The following PRR16 variants were observed in gnomAD, a reference collection of about 807,000 sequenced individuals.
PRR16 encodes the protein proline rich 16.
A neutral mutation model predicts 18.2 loss-of-function variants in PRR16; 6 were observed. The observed-to-expected ratio is 0.33, with a 90% CI of 0.18 to 0.65. The LOEUF (loss-of-function observed/expected upper bound fraction) is 0.65, where lower values mean the gene tolerates loss of function less well. Ranked by LOEUF, PRR16 falls within the 30% of genes least tolerant of loss-of-function variation. The pLI is 0.74. For synonymous variants in PRR16, 151 were observed against 147.8 expected, an observed-to-expected ratio of 1.02 and a Z score of -0.16; for missense variants, 412 against 376.6, an observed-to-expected ratio of 1.09 and a Z score of -0.78.
At chr5:120,760,500 A>G in the PRR16 span, among the ~76,000 whole-genome samples, 1 of 152,140 alleles carries the variant, frequency 6.6e-6, no homozygotes, top group Admixed American at 6.6e-5. Flanking sequence ...ATCTAAAACA[A>G]GAAACCCCTT....
chr5:120,790,497 A>C, the PRR16 span: 1 of 142,220 alleles, frequency 7.0e-6, no homozygotes, highest in Admixed American at 7.0e-5. Flanking sequence ...ACATTGCAGC[A>C]ATGCACAGTC....
At chr5:120,789,698 CT>C in the PRR16 span, among the ~76,000 whole-genome samples, 1 of 151,900 alleles carries the variant, frequency 6.6e-6, no homozygotes, top group Non-Finnish European at 1.5e-5. Flanking sequence ...AAGGGAAGAT[CT>C]TTTAATTTAG....
chr5:120,752,669 T>C, the PRR16 span, among the ~76,000 whole-genome samples: 3 of 151,954 alleles, frequency 2.0e-5, no homozygotes, highest in Non-Finnish European at 4.4e-5. Context: ...GTCATAAATA[T>C]ATTATTTCTT....
At chr5:120,652,499 T>C (rs1027857319) in intron 1 of PRR16, among the ~76,000 whole-genome samples, 1 of 151,038 alleles carries the variant, frequency 6.6e-6, no homozygotes, top group Non-Finnish European at 1.5e-5. Flanking sequence ...ATAAATCATA[T>C]TTTTAGTAAG....
intron 1 of PRR16, among the ~76,000 whole-genome samples, chr5:120,557,721 C>A (rs1418108828): frequency 6.6e-6 from 1 of 151,848 alleles, no homozygotes; most frequent in Admixed American, 6.6e-5. Flanking sequence ...TATATCATTA[C>A]ATTTCAATCC....
the PRR16 span, among the ~76,000 whole-genome samples, chr5:120,781,986 C>G: frequency 1.6e-5 from 2 of 126,794 alleles, no homozygotes; most frequent in African/African-American, 6.7e-5. Context: ...TTGTAATTTA[C>G]TAATAAAAAC....
chr5:120,465,459 G>T (rs913494057), intron 1 of PRR16, among the ~76,000 whole-genome samples: 1 of 152,200 alleles, frequency 6.6e-6, no homozygotes, highest in Non-Finnish European at 1.5e-5. Flanking sequence ...GTTCTTCCCC[G>T]CTTTTCCTAT....
the PRR16 span, among the ~76,000 whole-genome samples, chr5:120,792,699 C>T: frequency 6.6e-6 from 1 of 152,000 alleles, no homozygotes; most frequent in Admixed American, 6.6e-5. Context: ...TTACTGAGTG[C>T]TCACTATGGG....
the PRR16 span, among the ~76,000 whole-genome samples, chr5:120,706,345 C>T: frequency 7.2e-5 from 2 of 27,682 alleles, no homozygotes; most frequent in Admixed American, 4.3e-4. Context: ...CATATTTTCA[C>T]TCCGTACTTG....
chr5:120,720,416 T>C, the PRR16 span, among the ~76,000 whole-genome samples: 1 of 152,138 alleles, frequency 6.6e-6, no homozygotes, highest in East Asian at 1.9e-4. Context: ...CTTCTACATA[T>C]AAAAAAGTGA....
chr5:120,658,819 A>G (rs764330367), intron 1 of PRR16, among the ~76,000 whole-genome samples: 3 of 151,982 alleles, frequency 2.0e-5, no homozygotes, highest in African/African-American at 4.8e-5. Context: ...GGTGAAATCC[A>G]GAAATATAGT....
chr5:120,732,647 A>G, the PRR16 span, among the ~76,000 whole-genome samples: 1 of 152,180 alleles, frequency 6.6e-6, no homozygotes, highest in Non-Finnish European at 1.5e-5. Context: ...GGAGCTAAGA[A>G]TGAATGCATA....
chr5:120,630,960 A>G (rs1172282475), intron 1 of PRR16, among the ~76,000 whole-genome samples: 1 of 152,206 alleles, frequency 6.6e-6, no homozygotes, highest in East Asian at 1.9e-4. Flanking sequence ...CTCCCAGAAT[A>G]CTAAATTATT....
At chr5:120,607,688 A>C (rs527951995) in intron 1 of PRR16, among the ~76,000 whole-genome samples, 1 of 152,270 alleles carries the variant, frequency 6.6e-6, no homozygotes, top group South Asian at 2.1e-4. Context: ...ATACTAAGAA[A>C]GATTTTTACT....
At chr5:120,575,592 G>GA (rs1444893311) in intron 1 of PRR16, among the ~76,000 whole-genome samples, 1 of 151,928 alleles carries the variant, frequency 6.6e-6, no homozygotes, top group Non-Finnish European at 1.5e-5. Context: ...TGAAGCATTT[G>GA]AAAAAATCAA....
intron 1 of PRR16, among the ~76,000 whole-genome samples, chr5:120,491,445 TTTCCTTTC>T: frequency 1.2e-5 from 1 of 86,812 alleles, no homozygotes; most frequent in Non-Finnish European, 2.4e-5. Flanking sequence ...TTTCCTTTCC[TTTCCTTTC>T]CTTTCCTTTC....
intron 1 of PRR16, among the ~76,000 whole-genome samples, chr5:120,597,597 C>G (rs2079445129): frequency 6.6e-6 from 1 of 151,756 alleles, no homozygotes; most frequent in African/African-American, 2.4e-5. Context: ...TTTATTACAT[C>G]AGGTCCCTAT....
the PRR16 span, among the ~76,000 whole-genome samples, chr5:120,765,375 T>C: frequency 6.6e-6 from 1 of 152,020 alleles, no homozygotes; most frequent in East Asian, 1.9e-4. Flanking sequence ...CAGTTGTTGA[T>C]TTTGGACTGT....
At chr5:120,658,595 T>C (rs1358597101) in intron 1 of PRR16, among the ~76,000 whole-genome samples, 1 of 151,944 alleles carries the variant, frequency 6.6e-6, no homozygotes, top group African/African-American at 2.4e-5. Flanking sequence ...CCAATCTCAC[T>C]GTCTAGTAGA....
Sources: allele counts gnomAD v4.1 joint callset (sites outside exome capture counted in the v4.1 genomes callset), GRCh38; gene constraint gnomAD v4.1.1; transcripts MANE v1.5; gene names NCBI Gene and HGNC (gene_info 2026-07-23, HGNC 2026-07-21).